Variants in ABCC9 observed in about 807,000 individuals in gnomAD.
The protein encoded by ABCC9 is ATP-binding cassette sub-family C member 9.
A neutral mutation model predicts 188.3 loss-of-function variants in ABCC9; 95 were observed. That is an observed-to-expected ratio of 0.50 (90% CI 0.43 to 0.60). ABCC9 has a LOEUF of 0.60. ABCC9 is among the 20% of genes least tolerant of loss of function. ABCC9 has a pLI of 0.00. For synonymous variants in ABCC9, 659 were observed against 652.7 expected, an observed-to-expected ratio of 1.01 and a Z score of -0.15; for missense variants, 1,102 against 1,876.3, an observed-to-expected ratio of 0.59 and a Z score of 7.62.
chr12:21,891,245 TG>T (rs1488557267), intron 14 of ABCC9, among the ~76,000 whole-genome samples: 1 of 152,138 alleles, frequency 6.6e-6, no homozygotes. Flanking sequence ...CTCTGAGGCT[TG>T]GGGTAGAGAT....
chr12:21,936,232 C>T (rs1308672150), intron 3 of ABCC9, among the ~76,000 whole-genome samples: 2 of 152,138 alleles, frequency 1.3e-5, no homozygotes, highest in African/African-American at 4.8e-5. Context: ...CTTTACCTAA[C>T]CCAAAGTAAG....
At chr12:21,906,037 G>T (rs1044884624) in intron 12 of ABCC9, 89 bp downstream of exon 12, 1 of 1,424,046 alleles carries the variant, frequency 7.0e-7, no homozygotes, top group Non-Finnish European at 9.9e-7. Flanking sequence ...GAACTAGAAT[G>T]TTTCATTGAT....
At chr12:21,916,370 A>AT (rs1948604868) in intron 6 of ABCC9, among the ~76,000 whole-genome samples, 2 of 152,322 alleles carry the variant, frequency 1.3e-5, no homozygotes, top group South Asian at 2.1e-4. Flanking sequence ...AAGTTCTCTG[A>AT]TAAAAAATGA....
intron 12 of ABCC9, 114 bp downstream of exon 12, chr12:21,906,012 A>G: frequency 8.3e-7 from 1 of 1,200,266 alleles, no homozygotes. Context: ...TAGAAAATAA[A>G]TAGGTGTCCT....
At chr12:21,870,842 T>C (rs1946037910) in intron 18 of ABCC9, among the ~76,000 whole-genome samples, 1 of 152,212 alleles carries the variant, frequency 6.6e-6, no homozygotes, top group Admixed American at 6.5e-5. Context: ...ATATAAATCG[T>C]ATACATGCTT....
chr12:21,853,210 AGG>A (rs1417472108), intron 22 of ABCC9, among the ~76,000 whole-genome samples: 1 of 152,070 alleles, frequency 6.6e-6, no homozygotes, highest in Non-Finnish European at 1.5e-5. Context: ...GCTACTTGGG[AGG>A]TTGAGACCGG....
Position 21,842,439 on chromosome 12 carries a change from G to A in ABCC9, c.3348C>T (p.Arg1116=). The change falls in exon 29 of 40, where the codon CGC becomes CGT. Residue 1116 remains arginine, a synonymous_variant. Coordinates refer to ENST00000261200, the MANE Select transcript of ABCC9 (RefSeq NM_020297.4). The part of the protein sequence containing the change: ...HIPPTLESLT[R]STLLCLSAIG... ...TGGCAGACAGGCAGAGCAGTGTTGA[G>A]CGAGTTAGAGATTCCAAGGTTGGAG... The A allele has an allele frequency of 6.2e-7, 1 of 1,614,142 alleles. No individual in the cohort carries two copies. Among genetic ancestry groups the A allele is most frequent in the Non-Finnish European group, 8.5e-7 (1 of 1,179,986 alleles).
At chr12:21,934,426 A>G (rs111896301) in intron 3 of ABCC9, among the ~76,000 whole-genome samples, 26 of 152,212 alleles carry the variant, frequency 1.7e-4, no homozygotes, top group African/African-American at 6.0e-4. Flanking sequence ...CTAGGCAGGC[A>G]CTATTATTCA....
intron 10 of ABCC9, among the ~76,000 whole-genome samples, chr12:21,909,660 T>A (rs1480384992): frequency 7.2e-5 from 11 of 151,956 alleles, no homozygotes. Context: ...ATGGGATTGA[T>A]TAAAGCAATT....
At chr12:21,891,290 T>C (rs920249755) in intron 14 of ABCC9, among the ~76,000 whole-genome samples, 2 of 152,124 alleles carry the variant, frequency 1.3e-5, no homozygotes, top group African/African-American at 2.4e-5. Flanking sequence ...GAAATGGAGA[T>C]TTGTAACATA....
chr12:21,876,779 A>G (rs748018598), intron 16 of ABCC9, among the ~76,000 whole-genome samples: 2 of 152,244 alleles, frequency 1.3e-5, no homozygotes, highest in Non-Finnish European at 2.9e-5. Flanking sequence ...TTTTATTTCA[A>G]AACCATAAAT....
chr12:21,895,226 A>G (rs764330541), intron 13 of ABCC9, 49 bp downstream of exon 13: 1 of 1,529,802 alleles, frequency 6.5e-7, no homozygotes, highest in South Asian at 1.1e-5. Flanking sequence ...TAAATCATTT[A>G]TAAACACTGA....
At chr12:21,896,593 G>A (rs1315916956) in intron 12 of ABCC9, among the ~76,000 whole-genome samples, 1 of 152,118 alleles carries the variant, frequency 6.6e-6, no homozygotes, top group Non-Finnish European at 1.5e-5. Context: ...GCCCCAGTGT[G>A]TGTTGTTCTC....
chr12:21,915,409 T>C (rs1419890496), intron 7 of ABCC9, among the ~76,000 whole-genome samples: 3 of 122,134 alleles, frequency 2.5e-5, no homozygotes, highest in African/African-American at 6.0e-5. Context: ...TATGTGTATA[T>C]AGACACGTGT....
chr12:21,912,850 T>C (rs921766681), intron 8 of ABCC9, 22 bp downstream of exon 8: 32 of 1,609,854 alleles, frequency 2.0e-5, no homozygotes, highest in Non-Finnish European at 2.3e-5. Flanking sequence ...TATGTTTCCA[T>C]TGAAAATCAC....
intron 22 of ABCC9, among the ~76,000 whole-genome samples, chr12:21,856,247 A>G (rs1592080882): frequency 1.3e-5 from 2 of 152,294 alleles, no homozygotes; most frequent in East Asian, 3.9e-4. Flanking sequence ...TTCAATGTAT[A>G]TAATAAGATT....
chr12:21,843,825 A>C (rs918060376), intron 28 of ABCC9, among the ~76,000 whole-genome samples: 1 of 152,136 alleles, frequency 6.6e-6, no homozygotes, highest in African/African-American at 2.4e-5. Context: ...GCATGCATCA[A>C]CCCTCTTTCT....
chr12:21,867,330 T>G (rs948395277), intron 18 of ABCC9, among the ~76,000 whole-genome samples: 1 of 152,108 alleles, frequency 6.6e-6, no homozygotes, highest in Non-Finnish European at 1.5e-5. Context: ...TCCTCCACCA[T>G]TCAATGTGGT....
chr12:21,801,115 A>G lies in ABCC9; in HGVS notation c.4579T>C (p.Tyr1527His). ...IVMKRGNILE[Y>H]DTPESLLAQE... ...GCCAAGAGGCTTTCTGGAGTGTCAT[A>G]TTCTAAAATATTTCCTCGCTTCATC... Residue 1527 changes from tyrosine (Y) to histidine (H), a missense_variant, in exon 40 of 40, where the codon TAT becomes CAT. Around this residue, in one of 12 missense-constraint regions of ABCC9, gnomAD observed 30 missense variants for 34.3 expected, o/e 0.87. Transcript: ENST00000261200. 6.2e-7 allele frequency: 1 copy of G among 1,614,064 alleles called. No individual in the cohort carries two copies.
Sources: allele counts gnomAD v4.1 joint callset (sites outside exome capture counted in the v4.1 genomes callset), GRCh38; gene constraint gnomAD v4.1.1; regional missense constraint gnomAD v4.1.1; transcripts MANE v1.5; gene names NCBI Gene and HGNC (gene_info 2026-07-23, HGNC 2026-07-21).